FHDC1: variants seen among roughly 807,000 people sequenced by gnomAD.
FHDC1 encodes the protein FH2 domain containing 1.
In FHDC1, 25 loss-of-function variants were observed where a neutral mutation model predicts 52.6. That is an observed-to-expected ratio of 0.48 (90% confidence interval 0.35 to 0.66). The LOEUF (loss-of-function observed/expected upper bound fraction) is 0.66. Ranked by LOEUF, FHDC1 falls within the 30% of genes least tolerant of loss-of-function variation. The pLI, the probability that FHDC1 is intolerant of heterozygous loss-of-function variation, is 0.01. For missense variants in FHDC1, 1,459 were observed against 1,452.8 expected, an observed-to-expected ratio of 1.00 and a Z score of -0.07; for synonymous variants, 616 against 581.5, an observed-to-expected ratio of 1.06 and a Z score of -0.85.
the FHDC1 span, chr4:152,928,344 C>T: frequency 2.2e-6 from 1 of 461,852 alleles, no homozygotes; most frequent in Non-Finnish European, 4.0e-6. Flanking sequence ...TTTAACCAAT[C>T]CAATCTAAAA....
rs146044034 is a variant in FHDC1, at chr4:152,967,998, G to A, written c.1119G>A (p.Thr373=). The A allele has an allele frequency of 2.4e-5, 38 of 1,613,280 alleles. No individual in the cohort carries two copies. The highest frequency in any genetic ancestry group is 2.0e-4 in the African/African-American group (15 of 74,984). ...QKTARLSLEN[T]EAELHLLFVR... is the part of the protein sequence containing the mutation. ...CTTTTAGATTATCTCTGGAGAACAC[G>A]GAGGCAGAACTGCACTTGCTGTTTG... is the stretch of plus-strand genomic sequence containing the variant. Residue 373 remains threonine (T), a synonymous_variant, in exon 10 of 12, where the codon ACG becomes ACA. Transcript: ENST00000511601.
At chr4:152,953,622 G>C in intron 3 of FHDC1, 62 bp downstream of exon 3, 2 of 1,383,250 alleles carry the variant, frequency 1.4e-6, no homozygotes, top group South Asian at 2.4e-5. Flanking sequence ...CAAAGTCTGT[G>C]GGTGTGACTG....
At chr4:152,937,417 G>T (rs1304688670) in intron 1 of FHDC1, among the ~76,000 whole-genome samples, 1 of 152,114 alleles carries the variant, frequency 6.6e-6, no homozygotes, top group Non-Finnish European at 1.5e-5. Context: ...CCCGCAGAGG[G>T]GCTGGCGCCC....
At chr4:152,966,622 G>A (rs1186161221) in intron 9 of FHDC1, among the ~76,000 whole-genome samples, 1 of 152,054 alleles carries the variant, frequency 6.6e-6, no homozygotes, top group South Asian at 2.1e-4. Context: ...ACCATGCCCA[G>A]TTAATTTTTT....
At chr4:152,959,774 TA>T (rs1387753533) in intron 4 of FHDC1, among the ~76,000 whole-genome samples, 1 of 152,096 alleles carries the variant, frequency 6.6e-6, no homozygotes, top group East Asian at 1.9e-4. Context: ...AGATACCTTT[TA>T]AAAAAATTTA....
chr4:152,962,808 T>C lies in FHDC1; in HGVS notation c.851-6T>C. 1 of 1,613,740 alleles carries C rather than the reference T, an allele frequency of 6.2e-7. No individual in the cohort carries two copies. Among genetic ancestry groups the C allele is most frequent in the Non-Finnish European group, 8.5e-7 (1 of 1,179,624 alleles). On this transcript the variant is annotated splice_region_variant and splice_polypyrimidine_tract_variant and intron_variant, in intron 6 of 11. Coordinates refer to ENST00000511601, the MANE Select transcript of FHDC1 (RefSeq NM_001371116.1). Reference sequence around the variant, plus strand: ...CTAAGGTGCTGTGATGTGTTCTTTTTGATAGAACTGATGTCATGTGAAGAG... The same window carrying C: ...CTAAGGTGCTGTGATGTGTTCTTTTCGATAGAACTGATGTCATGTGAAGAG...
the FHDC1 span, among the ~76,000 whole-genome samples, chr4:152,917,731 T>C: frequency 6.6e-6 from 1 of 152,262 alleles, no homozygotes; most frequent in Non-Finnish European, 1.5e-5. Flanking sequence ...GCTGAATGAC[T>C]GGTCAGCTTG....
At chr4:152,955,405 G>A (rs1740052385) in intron 4 of FHDC1, among the ~76,000 whole-genome samples, 1 of 152,150 alleles carries the variant, frequency 6.6e-6, no homozygotes, top group Admixed American at 6.5e-5. Context: ...AAAAATTTCA[G>A]TAAGAAATTA....
intron 2 of FHDC1, among the ~76,000 whole-genome samples, chr4:152,946,782 C>T (rs980393567): frequency 2.0e-5 from 3 of 152,208 alleles, no homozygotes; most frequent in Non-Finnish European, 4.4e-5. Flanking sequence ...AGAAACAGCC[C>T]GACATTATGT....
chr4:152,972,418 A>G lies in FHDC1; in HGVS notation c.1260A>G (p.Gln420=), dbSNP rs61750794. 4.5e-4 allele frequency: 719 copies of G among 1,606,790 alleles called. 8 individuals carry two copies. In the African/African-American group the frequency reaches 8.3e-3, roughly 18 times the overall value. ...EKLRELECWK[Q]ELQDEAYTLI... ...TGAGGGAACTGGAATGCTGGAAACA[A>G]GAGCTCCAGGATGAGGCCTACACCC... is the stretch of plus-strand genomic sequence containing the variant. The change falls in exon 11 of 12, where the codon CAA becomes CAG. Residue 420 remains glutamine, a synonymous_variant. Transcript: ENST00000511601.
At chr4:152,926,161 A>G in the FHDC1 span, among the ~76,000 whole-genome samples, 1 of 151,840 alleles carries the variant, frequency 6.6e-6, no homozygotes, top group Non-Finnish European at 1.5e-5. Flanking sequence ...AAATGAAAAA[A>G]CAGATTCAGT....
intron 2 of FHDC1, among the ~76,000 whole-genome samples, chr4:152,950,050 C>T (rs1739877292): frequency 6.6e-6 from 1 of 152,152 alleles, no homozygotes; most frequent in Non-Finnish European, 1.5e-5. Context: ...GCAGCTCACT[C>T]ATTGGCTGGG....
At chr4:152,962,276 T>A (rs1409008076) in intron 6 of FHDC1, among the ~76,000 whole-genome samples, 1 of 152,244 alleles carries the variant, frequency 6.6e-6, no homozygotes, top group African/African-American at 2.4e-5. Flanking sequence ...ATGAAAAGAT[T>A]CCCTGGATGC....
intron 4 of FHDC1, among the ~76,000 whole-genome samples, chr4:152,958,282 T>TA (rs1480648968): frequency 1.3e-5 from 2 of 152,204 alleles, no homozygotes; most frequent in Non-Finnish European, 2.9e-5. Context: ...CCCACAAAGT[T>TA]ATGCCTAACC....
In FHDC1 at chr4:152,950,147, A is replaced by G. The variant is rs78734661; in HGVS notation, c.499-3352A>G. 2.7e-3 allele frequency among the ~76,000 whole-genome samples: 414 copies of G among 152,318 alleles called. 2 individuals carry two copies. Among genetic ancestry groups the G allele is most frequent in the African/African-American group, 9.6e-3 (401 of 41,576 alleles). ...TGAGTCCCACTGGGATCCCATGTGC[A>G]GATTCCACTGCTCTGAATGATTCCA... On this transcript the variant is annotated intron_variant, in intron 2 of 11. Transcript: ENST00000511601.
At chr4:152,950,129 C>T (rs894027278) in intron 2 of FHDC1, among the ~76,000 whole-genome samples, 1 of 152,162 alleles carries the variant, frequency 6.6e-6, no homozygotes, top group Non-Finnish European at 1.5e-5. Context: ...CAGTGAGTCC[C>T]ACTGGGATCC....
At chr4:152,931,455 AACACACACACACACACAC>A (rs56142204), upstream of FHDC1, among the ~76,000 whole-genome samples, 1,857 of 127,282 alleles carry the variant, frequency 0.015, 40 homozygotes, top group African/African-American at 0.044. Context: ...CAGCCTCTAA[AACACACACACACACACAC>A]ACACACACAC....
rs373072202 is a variant in FHDC1 at position 152,975,728 on chromosome 4, G to A, written c.2437G>A (p.Gly813Arg). 216 of 1,595,968 alleles carry A rather than the reference G, an allele frequency of 1.4e-4. No individual in the cohort carries two copies. The highest frequency in any genetic ancestry group is 1.8e-4 in the Non-Finnish European group (205 of 1,168,874). The stretch of plus-strand genomic sequence containing the variant: ...GGATGGCTCCATGTCCTCTGGGGTT[G>A]GAGAAATGGGGGACAGCCAAGTCTC... ...EGDGSMSSGV[G>R]EMGDSQVSSN... is the part of the protein sequence containing the mutation. Residue 813 changes from glycine (G) to arginine (R), a missense_variant, in exon 12 of 12, where the codon GGA becomes AGA. Physicochemically the swap from Gly to Arg is moderately radical, Grantham distance 125. Around this residue, in one of 3 missense-constraint regions of FHDC1, gnomAD observed 939 missense variants for 854.5 expected, o/e 1.10. Transcript: ENST00000511601.
chr4:152,972,709 C>T (rs1343039720), intron 11 of FHDC1, among the ~76,000 whole-genome samples, 168 bp downstream of exon 11: 2 of 152,184 alleles, frequency 1.3e-5, no homozygotes, highest in African/African-American at 4.8e-5. Context: ...TGGAAAGTGG[C>T]TCTGCCATCC....
Sources: gnomAD v4.1 joint callset for allele counts (sites outside exome capture counted in the v4.1 genomes callset) on GRCh38, gnomAD v4.1.1 for gene constraint, gnomAD v4.1.1 regional missense constraint, MANE v1.5 for transcripts, NCBI Gene and HGNC (gene_info 2026-07-23, HGNC 2026-07-21) for gene names.